COX15: variants seen among roughly 807,000 people sequenced by gnomAD.
COX15 encodes heme A synthase COX15.
In COX15, 51 loss-of-function variants were observed where a neutral mutation model predicts 51.9. The ratio of observed to expected loss-of-function variants is 0.98; its 90% CI spans 0.78 to 1.24. The LOEUF (loss-of-function observed/expected upper bound fraction) is 1.24, where lower values mean the gene tolerates loss of function less well. COX15 is among the 50% of genes most tolerant of loss of function. The probability of loss-of-function intolerance (pLI) is 0.00; values close to 1 mark genes in which losing one functional copy is unlikely to be tolerated. For missense variants in COX15, 420 were observed against 501.1 expected (o/e 0.84, Z 1.55); for synonymous variants, 188 against 190.5 (o/e 0.99, Z 0.11).
chr10:99,702,290 AAAAAAG>A, the COX15 span, among the ~76,000 whole-genome samples: 4 of 152,292 alleles, frequency 2.6e-5, no homozygotes, highest in South Asian at 2.1e-4. Context: ...GGACTCTTAA[AAAAAAG>A]AAAAAGAAAA....
At chr10:99,729,318 C>T (rs2037059080) in intron 2 of COX15, among the ~76,000 whole-genome samples, 1 of 151,924 alleles carries the variant, frequency 6.6e-6, no homozygotes, top group African/African-American at 2.4e-5. Flanking sequence ...AAAAATTAGC[C>T]AGATATGGTG....
chr10:99,714,436 T>C lies in COX15; in HGVS notation c.*151A>G. On this transcript the variant is annotated 3_prime_UTR_variant, in exon 9 of 9. Coordinates refer to ENST00000016171, the MANE Select transcript of COX15 (RefSeq NM_078470.6). ...CTTAATGCATTCTTGATCCAGTGAC[T>C]ATCTCAAAACAGGAAAAGATTTTTA... is the stretch of plus-strand genomic sequence containing the variant. 2.0e-6 allele frequency: 3 copies of C among 1,513,052 alleles called. No individual in the cohort carries two copies. The South Asian group carries it at 3.7e-5, about 19-fold the overall frequency. The allele number at this position is 1,513,052 out of a possible 1,614,324, so 93.7% of individuals were successfully genotyped here.
intron 6 of COX15, among the ~76,000 whole-genome samples, chr10:99,719,779 C>T (rs904446148): frequency 1.1e-4 from 16 of 152,234 alleles, no homozygotes; most frequent in African/African-American, 3.6e-4. Context: ...GTGTGAGCCA[C>T]CATGCCCAAC....
chr10:99,724,270 C>A, intron 4 of COX15, 147 bp from the exon 5 acceptor site: 1 of 884,480 alleles, frequency 1.1e-6, no homozygotes, highest in Non-Finnish European at 1.8e-6. Context: ...GCAATCTCCG[C>A]CTCCCAGGTT....
chr10:99,702,895 T>G, the COX15 span, among the ~76,000 whole-genome samples: 1 of 152,084 alleles, frequency 6.6e-6, no homozygotes, highest in African/African-American at 2.4e-5. Context: ...TGGTCTGGAG[T>G]CTCAGCTTTG....
the COX15 span, chr10:99,704,732 T>C: frequency 1.3e-6 from 2 of 1,520,050 alleles, no homozygotes; most frequent in South Asian, 2.3e-5. Flanking sequence ...TTGCTGCTCA[T>C]TGAATTCCTC....
Position 99,712,698 on chromosome 10 carries a change from G to A in COX15, c.*1889C>T. On this transcript the variant is annotated 3_prime_UTR_variant, in exon 9 of 9. Transcript: ENST00000016171. ...CCTGTAGAGTGGCAGCAACAGACCAGAACTCAGCAGTATAGTCCGAGCTGG... is the reference window on the plus strand; with the variant it reads ...CCTGTAGAGTGGCAGCAACAGACCAAAACTCAGCAGTATAGTCCGAGCTGG... The A allele has an allele frequency of 1.3e-6, 1 of 795,690 alleles. No homozygotes were observed. Among genetic ancestry groups the A allele is most frequent in the Non-Finnish European group, 1.5e-6 (1 of 656,958 alleles). 49.3% of individuals were successfully genotyped at this position (795,690 alleles called of 1,614,324 possible).
At chr10:99,719,172 A>G (rs2036676494) in intron 6 of COX15, among the ~76,000 whole-genome samples, 1 of 152,128 alleles carries the variant, frequency 6.6e-6, no homozygotes, top group Admixed American at 6.5e-5. Context: ...CTGATCCATT[A>G]TTTATTATCA....
At chr10:99,718,772 G>A (rs1230915307) in intron 6 of COX15, among the ~76,000 whole-genome samples, 2 of 152,108 alleles carry the variant, frequency 1.3e-5, no homozygotes, top group African/African-American at 2.4e-5. Flanking sequence ...GGGAGGGGGA[G>A]AGGCTTATTA....
the COX15 span, among the ~76,000 whole-genome samples, chr10:99,695,681 A>G: frequency 6.6e-6 from 1 of 152,236 alleles, no homozygotes; most frequent in African/African-American, 2.4e-5. Context: ...TGAGAAAATG[A>G]TATCTGTAGT....
chr10:99,711,841 C>T lies in COX15; in HGVS notation c.*2746G>A. ...TTGCATTGCTATAAGGAAATACTGA[C>T]AATTTTTAGAAAGAAAAGAGGTTTA... On this transcript the variant is annotated 3_prime_UTR_variant, in exon 9 of 9. Coordinates refer to ENST00000016171, the MANE Select transcript of COX15 (RefSeq NM_078470.6). The T allele has an allele frequency of 5.1e-6, 5 of 983,708 alleles. No homozygotes were observed. The highest frequency in any genetic ancestry group is 6.0e-6 in the Non-Finnish European group (5 of 828,416). 60.9% of individuals were successfully genotyped at this position (983,708 alleles called of 1,614,324 possible). A position where few individuals can be genotyped will look rare whatever the true frequency, so the allele number is the denominator to read the frequency against.
At chr10:99,726,144 C>T (rs778452340) in intron 4 of COX15, among the ~76,000 whole-genome samples, 1 of 152,154 alleles carries the variant, frequency 6.6e-6, no homozygotes, top group Non-Finnish European at 1.5e-5. Flanking sequence ...TATCTCTCAG[C>T]TACATGGGTA....
At chr10:99,700,654 C>T in the COX15 span, among the ~76,000 whole-genome samples, 5 of 152,198 alleles carry the variant, frequency 3.3e-5, no homozygotes, top group African/African-American at 1.2e-4. Flanking sequence ...ATCTGCTCTC[C>T]CTGCTCATGT....
In COX15 at chr10:99,713,355, G is replaced by A; in HGVS notation, c.*1232C>T. 6.2e-7 allele frequency: 1 copy of A among 1,612,818 alleles called. No individual in the cohort carries two copies. The highest frequency in any genetic ancestry group is 8.5e-7 in the Non-Finnish European group (1 of 1,179,586). ...ATCTCGATGGGGTCATTCTGGGACT[G>A]TTTTCAGTTGCCACTGTCATCTATT... On this transcript the variant is annotated 3_prime_UTR_variant, in exon 9 of 9. Coordinates refer to ENST00000016171, the MANE Select transcript of COX15 (RefSeq NM_078470.6).
chr10:99,718,448 T>C lies in COX15; in HGVS notation c.885A>G (p.Lys295=). The part of the protein sequence containing the change: ...DAGLVYNSFP[K]MGESWIPEDL... ...CCTCCGGGATCCAGGATTCTCCCAT[T>C]TTGGGAAAGGAGTTATAAACAAGCC... is the stretch of plus-strand genomic sequence containing the variant. Residue 295 remains lysine, a synonymous_variant, in exon 7 of 9, where the codon AAA becomes AAG. Transcript: ENST00000016171. 1 of 1,614,126 alleles carries C rather than the reference T, an allele frequency of 6.2e-7. No homozygotes were observed.
rs1039189422 is a variant in COX15, at chr10:99,713,307, A to G, written c.*1280T>C. Reference sequence around the variant, plus strand: ...CTTATTTAATTTAAATGAGTATGTTACATTTCTAATCTGTTTAATTTCATC... The same window carrying G: ...CTTATTTAATTTAAATGAGTATGTTGCATTTCTAATCTGTTTAATTTCATC... On this transcript the variant is annotated 3_prime_UTR_variant, in exon 9 of 9. Coordinates refer to ENST00000016171, the MANE Select transcript of COX15 (RefSeq NM_078470.6). The G allele has an allele frequency of 2.8e-5, 45 of 1,580,078 alleles. No homozygotes were observed. Among genetic ancestry groups the G allele is most frequent in the Non-Finnish European group, 3.7e-5 (43 of 1,155,776 alleles).
At position 99,711,347 on chromosome 10, in the gene COX15, G is replaced by A. The variant is rs2036379634; in HGVS notation, c.*3240C>T. ...TCTGCTGACTCAGTTACTAACTAAG[G>A]ACAACCTGGGTTTGAGGATCAGGAG... is the stretch of plus-strand genomic sequence containing the variant. On this transcript the variant is annotated 3_prime_UTR_variant, in exon 9 of 9. Coordinates refer to ENST00000016171, the MANE Select transcript of COX15 (RefSeq NM_078470.6). The A allele has an allele frequency of 1.0e-6, 1 of 985,266 alleles. No homozygotes were observed. The highest frequency in any genetic ancestry group is 6.2e-5 in the Admixed American group (1 of 16,250). 61.0% of individuals were successfully genotyped at this position (985,266 alleles called of 1,614,324 possible).
In COX15 at chr10:99,717,427, T is replaced by G. The variant is rs536477536; in HGVS notation, c.987+919A>C. Among the ~76,000 whole-genome samples the G allele has an allele frequency of 4.6e-5, 7 of 152,330 alleles. No homozygotes were observed. The South Asian group carries it at 1.5e-3, about 32-fold the overall frequency. On this transcript the variant is annotated intron_variant, in intron 7 of 8. Transcript: ENST00000016171. ...GGTCTCCCTGTGTTGCCCAGGCTGG[T>G]CTTGAACTCTTGGGCTCAAGCGATC...
At chr10:99,710,505 A>G (rs1590073976), downstream of COX15, 1 of 985,140 alleles carries the variant, frequency 1.0e-6, no homozygotes, top group South Asian at 4.7e-5. Context: ...AGTTGTTAAG[A>G]CTCTGTTTTT....
Sources: allele counts gnomAD v4.1 joint callset (sites outside exome capture counted in the v4.1 genomes callset), GRCh38; gene constraint gnomAD v4.1.1; transcripts MANE v1.5; gene names NCBI Gene and HGNC (gene_info 2026-07-23, HGNC 2026-07-21).